FAM177A1: variants seen among roughly 807,000 people sequenced by gnomAD.
The protein encoded by FAM177A1 is protein FAM177A1.
A neutral mutation model predicts 26.1 loss-of-function variants in FAM177A1; 22 were observed. The observed-to-expected ratio is 0.84, with a 90% CI of 0.60 to 1.20. The LOEUF (loss-of-function observed/expected upper bound fraction) is 1.20. Among genes scored for constraint, FAM177A1 ranks in the 50% most tolerant of loss-of-function variants. The pLI, the probability that FAM177A1 is intolerant of heterozygous loss-of-function variation, is 0.00. For missense variants in FAM177A1, 296 were observed against 291.1 expected, an observed-to-expected ratio of 1.02 and a Z score of -0.12; for synonymous variants, 95 against 99.3, an observed-to-expected ratio of 0.96 and a Z score of 0.26.
At chr14:35,052,435 T>C (rs990652658) in intron 1 of FAM177A1, among the ~76,000 whole-genome samples, 1 of 151,892 alleles carries the variant, frequency 6.6e-6, no homozygotes, top group Admixed American at 6.6e-5. Flanking sequence ...GGTCTCGATC[T>C]CCTGACCTTG....
chr14:35,051,122 A>T (rs1428316339), intron 1 of FAM177A1, among the ~76,000 whole-genome samples: 2 of 151,990 alleles, frequency 1.3e-5, no homozygotes, highest in Non-Finnish European at 2.9e-5. Context: ...AAGATAGTTT[A>T]TTATTTTTAT....
intron 2 of FAM177A1, chr14:35,054,663 G>A (rs1483643558): frequency 2.6e-5 from 4 of 152,028 alleles, no homozygotes; most frequent in African/African-American, 9.7e-5. Context: ...CATCAGATTT[G>A]GCTTTAAATA....
chr14:35,051,060 C>G (rs2044960144), intron 1 of FAM177A1, among the ~76,000 whole-genome samples: 1 of 152,078 alleles, frequency 6.6e-6, no homozygotes, highest in Admixed American at 6.6e-5. Flanking sequence ...AGAATTGTGA[C>G]TTTTTTTCAT....
At chr14:35,060,200 C>T (rs557316569) in intron 2 of FAM177A1, among the ~76,000 whole-genome samples, 23 of 151,440 alleles carry the variant, frequency 1.5e-4, no homozygotes, top group South Asian at 6.2e-4. Flanking sequence ...GTCTGGAACT[C>T]CTGACCTCAT....
At position 35,081,701 on chromosome 14, in the gene FAM177A1, A is replaced by G. The variant is rs1438389013; in HGVS notation, c.*473A>G. On this transcript the variant is annotated 3_prime_UTR_variant, in exon 5 of 5. Transcript: ENST00000280987. ...AATTTCACACTAAGGATGCTTCACCATATAATAAAAGGAGCAAGATGGAAG... is the reference window on the plus strand; with the variant it reads ...AATTTCACACTAAGGATGCTTCACCGTATAATAAAAGGAGCAAGATGGAAG... The G allele has an allele frequency of 6.6e-6, 1 of 152,478 alleles. No homozygotes were observed. Among genetic ancestry groups the G allele is most frequent in the Non-Finnish European group, 1.5e-5 (1 of 68,248 alleles). The allele number at this position is 152,478 out of a possible 1,614,324, so 9.4% of individuals were successfully genotyped here.
intron 2 of FAM177A1, among the ~76,000 whole-genome samples, chr14:35,060,303 T>C (rs1026727623): frequency 6.6e-6 from 1 of 152,162 alleles, no homozygotes; most frequent in Admixed American, 6.5e-5. Context: ...TTTTTAATAA[T>C]TTCTGTCTCT....
intron 2 of FAM177A1, among the ~76,000 whole-genome samples, chr14:35,069,691 A>G (rs1229496640): frequency 6.6e-6 from 1 of 152,192 alleles, no homozygotes; most frequent in Non-Finnish European, 1.5e-5. Flanking sequence ...ATATGATAAG[A>G]CAAAGGAATT....
At chr14:35,073,103 C>T (rs911594901) in intron 2 of FAM177A1, among the ~76,000 whole-genome samples, 2 of 152,160 alleles carry the variant, frequency 1.3e-5, no homozygotes, top group East Asian at 1.9e-4. Context: ...GACGGAGTCT[C>T]GCTGTCACCC....
intron 2 of FAM177A1, among the ~76,000 whole-genome samples, chr14:35,058,081 A>G (rs2045090314): frequency 1.3e-5 from 2 of 151,586 alleles, no homozygotes; most frequent in South Asian, 4.2e-4. Context: ...TATCATTATT[A>G]TTATTTTTCG....
rs1213356625 is a variant in FAM177A1 at position 35,083,240 on chromosome 14, CT to C, written c.*2014del. ...TGATTGTAACAAAAGGAAGTAGTGACTTATGAAGGTTTTGTTTCTTGAATTT... is the reference window on the plus strand; with the variant it reads ...TGATTGTAACAAAAGGAAGTAGTGACTATGAAGGTTTTGTTTCTTGAATTT... On this transcript the variant is annotated 3_prime_UTR_variant, in exon 5 of 5. Transcript: ENST00000280987. 1 of 152,598 alleles carries C rather than the reference CT, an allele frequency of 6.6e-6. No homozygotes were observed. The allele number at this position is 152,598 out of a possible 1,614,324, so 9.5% of individuals were successfully genotyped here.
chr14:35,056,527 T>C (rs2045064883), intron 2 of FAM177A1, among the ~76,000 whole-genome samples: 1 of 152,002 alleles, frequency 6.6e-6, no homozygotes, highest in Admixed American at 6.6e-5. Context: ...GGCTAATTTT[T>C]TTTGTATTTT....
At chr14:35,046,656 C>CG in intron 1 of FAM177A1, 28 bp downstream of exon 1, 5 of 1,513,214 alleles carry the variant, frequency 3.3e-6, no homozygotes, top group Non-Finnish European at 3.6e-6. Context: ...GGCTGACGTC[C>CG]GGGGAGCCGA....
chr14:35,065,383 A>G (rs1311596742), intron 2 of FAM177A1, among the ~76,000 whole-genome samples: 3 of 141,944 alleles, frequency 2.1e-5, no homozygotes, highest in Non-Finnish European at 4.5e-5. Context: ...TTTTTGCTAG[A>G]CAACATTCTC....
chr14:35,048,600 T>C (rs1396261531), intron 1 of FAM177A1, among the ~76,000 whole-genome samples: 1 of 150,456 alleles, frequency 6.6e-6, no homozygotes, highest in East Asian at 1.9e-4. Context: ...ATCTCTTCTT[T>C]CTTGTTAAAC....
chr14:35,081,443 A>G lies in FAM177A1; in HGVS notation c.*215A>G. On this transcript the variant is annotated 3_prime_UTR_variant, in exon 5 of 5. Coordinates refer to ENST00000280987, the MANE Select transcript of FAM177A1 (RefSeq NM_173607.5). Reference sequence around the variant, plus strand: ...TGTACTGTTTTTACTGTGTATAGAAATTAGTGCTTTGGTTTTAAAATGATC... The same window carrying G: ...TGTACTGTTTTTACTGTGTATAGAAGTTAGTGCTTTGGTTTTAAAATGATC... 2 of 407,374 alleles carry G rather than the reference A, an allele frequency of 4.9e-6. No homozygotes were observed. The highest frequency in any genetic ancestry group is 6.3e-5 in the South Asian group (1 of 15,840). 25.2% of individuals were successfully genotyped at this position (407,374 alleles called of 1,614,324 possible). A position where few individuals can be genotyped will look rare whatever the true frequency, so the allele number is the denominator to read the frequency against.
rs1275039878 is a variant in FAM177A1 at position 35,081,861 on chromosome 14, A to G, written c.*633A>G. ...TCTTGTATTCTTTTTCAGGACTCAA[A>G]TAACTAGCTTTGAACATAATATTAA... is the stretch of plus-strand genomic sequence containing the variant. On this transcript the variant is annotated 3_prime_UTR_variant, in exon 5 of 5. Transcript: ENST00000280987. 1 of 152,106 alleles carries G rather than the reference A, an allele frequency of 6.6e-6. No homozygotes were observed. Among genetic ancestry groups the G allele is most frequent in the Non-Finnish European group, 1.5e-5 (1 of 68,030 alleles). 9.4% of individuals were successfully genotyped at this position (152,106 alleles called of 1,614,324 possible).
In FAM177A1 at chr14:35,077,523, C is replaced by T. The variant is rs533112189; in HGVS notation, c.406+307C>T. ...CGGAGTCTCGCTCTGTCGCCCAGGC[C>T]GGACTGCGGACTGCAGTGGCACAAT... On this transcript the variant is annotated intron_variant, in intron 3 of 4. Transcript: ENST00000280987. 3.5e-3 allele frequency among the ~76,000 whole-genome samples: 477 copies of T among 134,620 alleles called. 2 individuals are homozygous for T. Among genetic ancestry groups the T allele is most frequent in the African/African-American group, 9.9e-3 (348 of 35,164 alleles). The allele number at this position is 134,620 out of a possible 152,430, so 88.3% of individuals were successfully genotyped here.
At chr14:35,046,097 C>T, upstream of FAM177A1, 1 of 175,792 alleles carries the variant, frequency 5.7e-6, no homozygotes, top group Admixed American at 6.3e-5. Flanking sequence ...CCGCTGGTGA[C>T]GGGCTGCGCC....
At chr14:35,053,180 T>C (rs1473081851) in intron 1 of FAM177A1, 98 bp from the exon 2 acceptor site, 39 of 1,104,482 alleles carry the variant, frequency 3.5e-5, no homozygotes, top group Non-Finnish European at 4.8e-5. Flanking sequence ...TAAAGATTTA[T>C]TTCTTTACTA....
Sources: allele counts gnomAD v4.1 joint callset (sites outside exome capture counted in the v4.1 genomes callset), GRCh38; gene constraint gnomAD v4.1.1; transcripts MANE v1.5; gene names NCBI Gene and HGNC (gene_info 2026-07-23, HGNC 2026-07-21).